JAK1: variants seen among roughly 807,000 people sequenced by gnomAD.
The protein encoded by JAK1 is tyrosine-protein kinase JAK1.
Under a neutral mutation model 136.6 loss-of-function variants are expected in JAK1, and 16 were observed. That is an observed-to-expected ratio of 0.12 (90% CI 0.08 to 0.18). The LOEUF (loss-of-function observed/expected upper bound fraction) is 0.18. Among genes scored for constraint, JAK1 ranks in the 10% least tolerant of loss-of-function variants. The pLI is 1.00. For missense variants in JAK1, 859 were observed against 1,450.1 expected, an observed-to-expected ratio of 0.59 and a Z score of 6.62; for synonymous variants, 492 against 519.5, an observed-to-expected ratio of 0.95 and a Z score of 0.72.
At chr1:64,910,236 G>A (rs1180685372) in intron 1 of JAK1, among the ~76,000 whole-genome samples, 1 of 152,002 alleles carries the variant, frequency 6.6e-6, no homozygotes, top group African/African-American at 2.4e-5. Context: ...ATTGTAATAC[G>A]GGACAAAAAG....
intron 2 of JAK1, among the ~76,000 whole-genome samples, chr1:64,978,151 G>A (rs564492240): frequency 3.3e-5 from 5 of 152,172 alleles, no homozygotes; most frequent in South Asian, 2.1e-4. Flanking sequence ...GGTGGTGCGC[G>A]CCTGTAGTCC....
At chr1:65,041,694 A>G (rs1647134959) in intron 2 of JAK1, among the ~76,000 whole-genome samples, 1 of 152,088 alleles carries the variant, frequency 6.6e-6, no homozygotes, top group African/African-American at 2.4e-5. Flanking sequence ...TACTTATACT[A>G]TATATACATA....
intron 4 of JAK1, among the ~76,000 whole-genome samples, chr1:64,873,725 A>G (rs530735616): frequency 6.6e-6 from 1 of 152,212 alleles, no homozygotes; most frequent in Non-Finnish European, 1.5e-5. Flanking sequence ...CACCTCCTCT[A>G]TGACTCAGGG....
rs371739901 is a variant in JAK1, at chr1:64,857,757, A to G, written c.1357T>C (p.Leu453=). ...PICTEYAINK[L]RQEGSEEGMY... ...CCCTCCTCGCTTCCTTCTTGCCGCAATTTATTGATGGCGTATTCTGTACTA... is the reference window on the plus strand; with the variant it reads ...CCCTCCTCGCTTCCTTCTTGCCGCAGTTTATTGATGGCGTATTCTGTACTA... Residue 453 remains leucine (L), a synonymous_variant, in exon 10 of 25, where the codon TTG becomes CTG. Coordinates refer to ENST00000342505, the MANE Select transcript of JAK1 (RefSeq NM_002227.4). The G allele has an allele frequency of 2.7e-5, 43 of 1,614,072 alleles. No homozygotes were observed. The highest frequency in any genetic ancestry group is 1.7e-4 in the African/African-American group (13 of 74,916).
At chr1:64,920,462 T>C (rs1645475763) in intron 1 of JAK1, among the ~76,000 whole-genome samples, 1 of 152,124 alleles carries the variant, frequency 6.6e-6, no homozygotes, top group South Asian at 2.1e-4. Flanking sequence ...GAGAATTGCT[T>C]AAGCCTAGGA....
chr1:64,916,669 C>T (rs1482793868), intron 1 of JAK1, among the ~76,000 whole-genome samples: 1 of 151,920 alleles, frequency 6.6e-6, no homozygotes, highest in Non-Finnish European at 1.5e-5. Context: ...GAAACCCTGT[C>T]TCTGCTAAAA....
intron 1 of JAK1, among the ~76,000 whole-genome samples, chr1:64,927,496 C>T (rs1645602388): frequency 6.6e-6 from 1 of 152,182 alleles, no homozygotes; most frequent in Non-Finnish European, 1.5e-5. Context: ...CACAGACAAT[C>T]AACAGAAAAG....
At position 64,867,082 on chromosome 1, in the gene JAK1, G is replaced by C. The variant is rs1656752608; in HGVS notation, c.774C>G (p.Asp258Glu). The C allele has an allele frequency of 1.2e-6, 2 of 1,614,130 alleles. No homozygotes were observed. Among genetic ancestry groups the C allele is most frequent in the Non-Finnish European group, 8.5e-7 (1 of 1,179,970 alleles). ...LKEFNNKTIC[D>E]SSVSTHDLKV... ...TCAGGTCATGCGTGGACACGCTGCT[G>C]TCACAAATGGTCTTGTTGTTAAATT... The change falls in exon 7 of 25, where the codon GAC becomes GAG. Residue 258 changes from aspartate (D) to glutamate (E), a missense_variant. Around this residue, in one of 4 missense-constraint regions of JAK1, gnomAD observed 353 missense variants for 494.0 expected, o/e 0.71. Transcript: ENST00000342505.
chr1:64,996,664 A>G (rs1014261556), intron 2 of JAK1, among the ~76,000 whole-genome samples: 2 of 152,214 alleles, frequency 1.3e-5, no homozygotes, highest in Admixed American at 6.5e-5. Context: ...CAGATCAAAT[A>G]TGACCTGCGG....
At chr1:65,008,738 A>G (rs1217483918) in intron 2 of JAK1, among the ~76,000 whole-genome samples, 1 of 150,650 alleles carries the variant, frequency 6.6e-6, no homozygotes, top group East Asian at 2.0e-4. Flanking sequence ...CCCTGGCTGG[A>G]GTGCAGTGGC....
chr1:64,865,068 G>T, intron 7 of JAK1, 96 bp from the exon 8 acceptor site: 1 of 943,458 alleles, frequency 1.1e-6, no homozygotes, highest in East Asian at 2.5e-5. Flanking sequence ...CAGGGCCTAG[G>T]TCCAAGGAAG....
At chr1:64,993,612 A>G (rs1022958969) in intron 2 of JAK1, 1 of 151,970 alleles carries the variant, frequency 6.6e-6, no homozygotes, top group African/African-American at 2.4e-5. Flanking sequence ...TGCTTTAGCC[A>G]TTTTATTTTA....
At chr1:64,966,210 G>A (rs1163921737) in intron 1 of JAK1, 123 bp downstream of exon 1, 1 of 151,610 alleles carries the variant, frequency 6.6e-6, no homozygotes, top group Non-Finnish European at 1.5e-5. Flanking sequence ...GGAGCAGCCC[G>A]GGCCGCGCAG....
chr1:64,924,626 A>T (rs1054018671), intron 1 of JAK1, among the ~76,000 whole-genome samples: 1 of 152,222 alleles, frequency 6.6e-6, no homozygotes, highest in Non-Finnish European at 1.5e-5. Context: ...AGTAAGTCTG[A>T]GGAAGTGGGT....
At chr1:65,034,209 G>C (rs1647049878) in intron 2 of JAK1, among the ~76,000 whole-genome samples, 1 of 152,188 alleles carries the variant, frequency 6.6e-6, no homozygotes. Flanking sequence ...TAACATAACT[G>C]GTATTGAAGA....
At chr1:64,949,118 G>A (rs17127174) in intron 1 of JAK1, among the ~76,000 whole-genome samples, 7,516 of 152,274 alleles carry the variant, frequency 0.049, 404 homozygotes, top group East Asian at 0.27. Flanking sequence ...AATCCTAACA[G>A]CAAAGGGCAG....
chr1:64,944,203 CAGTGCA>C (rs1372779283), intron 1 of JAK1, among the ~76,000 whole-genome samples: 1 of 109,062 alleles, frequency 9.2e-6, no homozygotes, highest in African/African-American at 3.8e-5. Context: ...GCCTGGGCAA[CAGTGCA>C]AGACTCTGTC....
intron 4 of JAK1, among the ~76,000 whole-genome samples, chr1:64,878,088 G>T (rs770005377): frequency 7.2e-5 from 11 of 152,014 alleles, no homozygotes; most frequent in Admixed American, 1.3e-4. Context: ...GATTTCAGAG[G>T]GCTTTTCTAG....
chr1:65,046,845 G>C (rs1647187966), intron 1 of JAK1, among the ~76,000 whole-genome samples: 1 of 135,640 alleles, frequency 7.4e-6, no homozygotes, highest in African/African-American at 2.7e-5. Context: ...CCACCGCAGT[G>C]TGAGCCACCG....
Sources: gnomAD v4.1 joint callset for allele counts (sites outside exome capture counted in the v4.1 genomes callset) on GRCh38, gnomAD v4.1.1 for gene constraint, gnomAD v4.1.1 regional missense constraint, MANE v1.5 for transcripts, NCBI Gene and HGNC (gene_info 2026-07-23, HGNC 2026-07-21) for gene names.